Variants in CINP observed in about 807,000 individuals in gnomAD.
CINP encodes cyclin-dependent kinase 2-interacting protein.
CINP carries 11 observed loss-of-function variants against 20.5 expected under a neutral mutation model. The observed-to-expected ratio is 0.54, with a 90% CI of 0.34 to 0.89. CINP has a LOEUF of 0.89. CINP is among the 40% of genes least tolerant of loss of function. The pLI, the probability that CINP is intolerant of heterozygous loss-of-function variation, is 0.02. For missense variants in CINP, 213 were observed against 251.0 expected (o/e 0.85, Z 1.02); for synonymous variants, 108 against 102.1 (o/e 1.06, Z -0.35).
At chr14:102,360,954 A>C (rs1300270707) in intron 1 of CINP, among the ~76,000 whole-genome samples, 1 of 152,188 alleles carries the variant, frequency 6.6e-6, no homozygotes, top group African/African-American at 2.4e-5. Flanking sequence ...TGCCTACAAT[A>C]CGCCAGGCAT....
intron 2 of CINP, among the ~76,000 whole-genome samples, chr14:102,358,672 C>T (rs1887051995): frequency 6.6e-6 from 1 of 151,828 alleles, no homozygotes; most frequent in South Asian, 2.1e-4. Flanking sequence ...TAGAGTGAGA[C>T]TCGTCTCCAA....
At chr14:102,357,139 G>A (rs1887015338) in intron 2 of CINP, among the ~76,000 whole-genome samples, 1 of 152,164 alleles carries the variant, frequency 6.6e-6, no homozygotes, top group Non-Finnish European at 1.5e-5. Flanking sequence ...CTAGCACTTT[G>A]GGAGGCCAAG....
At chr14:102,357,981 G>C (rs554694110) in intron 2 of CINP, among the ~76,000 whole-genome samples, 1 of 152,346 alleles carries the variant, frequency 6.6e-6, no homozygotes, top group South Asian at 2.1e-4. Flanking sequence ...ATTGCAGTTA[G>C]TGACTTTAAG....
chr14:102,359,255 G>GATATATATATATATATTA (rs1437716044), intron 2 of CINP, among the ~76,000 whole-genome samples, 164 bp downstream of exon 2: 1 of 75,422 alleles, frequency 1.3e-5, no homozygotes, highest in Non-Finnish European at 3.2e-5. Flanking sequence ...TATATATATG[G>GATATATATATATATATTA]AATATAATTT....
intron 2 of CINP, among the ~76,000 whole-genome samples, chr14:102,357,288 A>C (rs1887019801): frequency 1.3e-5 from 2 of 148,634 alleles, no homozygotes; most frequent in Admixed American, 1.4e-4. Flanking sequence ...AGGCAAAGGC[A>C]GGAGAATTGC....
intron 2 of CINP, among the ~76,000 whole-genome samples, chr14:102,359,122 A>AC (rs1384242374): frequency 6.6e-6 from 1 of 151,004 alleles, no homozygotes; most frequent in African/African-American, 2.4e-5. Context: ...AATTGCTTGA[A>AC]CCCAGGCGGT....
chr14:102,350,121 T>A, intron 3 of CINP, 73 bp from the exon 4 acceptor site: 1 of 1,399,438 alleles, frequency 7.1e-7, no homozygotes, highest in Non-Finnish European at 9.9e-7. Context: ...ACTCTAAGAT[T>A]TCAAAGCTAA....
rs1283337114 is a variant in CINP, at chr14:102,351,954, C to T, written c.307-1906G>A. Reference sequence around the variant, plus strand: ...GGCTGGAGTGCAGTGGCGCGATCTCCGCTCACTGCAACCTCCGCCTCCCGG... The same window carrying T: ...GGCTGGAGTGCAGTGGCGCGATCTCTGCTCACTGCAACCTCCGCCTCCCGG... On this transcript the variant is annotated intron_variant, in intron 3 of 4. Coordinates refer to ENST00000216756, the MANE Select transcript of CINP (RefSeq NM_032630.3). This position sits in a 1 kb window ranked among gnomAD's most constrained non-coding sequence, Gnocchi z 4.2. Among the ~76,000 whole-genome samples, 3 of 151,950 alleles carry T rather than the reference C, an allele frequency of 2.0e-5. No individual in the cohort carries two copies. The highest frequency in any genetic ancestry group is 2.1e-4 in the South Asian group (1 of 4,828).
At chr14:102,359,246 A>ATATATATG (rs1451609870) in intron 2 of CINP, among the ~76,000 whole-genome samples, 173 bp downstream of exon 2, 1 of 144,028 alleles carries the variant, frequency 6.9e-6, no homozygotes, top group Non-Finnish European at 1.5e-5. Context: ...ATATATATAT[A>ATATATATG]TATATATGGA....
intron 3 of CINP, among the ~76,000 whole-genome samples, chr14:102,354,457 C>G (rs530686366): frequency 2.6e-4 from 39 of 152,182 alleles, no homozygotes; most frequent in African/African-American, 9.2e-4. Flanking sequence ...TTTCGGTGTC[C>G]AAAGATAAAG....
intron 1 of CINP, among the ~76,000 whole-genome samples, chr14:102,360,222 A>G (rs1887108916): frequency 6.6e-6 from 1 of 151,950 alleles, no homozygotes; most frequent in Non-Finnish European, 1.5e-5. Context: ...AGCTCTTGAA[A>G]AGCTGAGGTG....
Position 102,348,754 on chromosome 14 carries a change from C to T in CINP, c.442G>A (p.Val148Ile). ...HTWPTTHFYE[V>I]SHKLLEMYRK... The stretch of plus-strand genomic sequence containing the variant: ...TACATCTCCAAGAGCTTATGCGAAA[C>T]CTCATCTGAAAGAAACGTGAATCTC... The change falls in exon 5 of 5, where the codon GTT becomes ATT. Residue 148 changes from valine (V) to isoleucine (I), a missense_variant. By Grantham distance (29) the Val-to-Ile change is conservative. Coordinates refer to ENST00000216756, the MANE Select transcript of CINP (RefSeq NM_032630.3). 6.2e-7 allele frequency: 1 copy of T among 1,613,182 alleles called. No individual in the cohort carries two copies. The highest frequency in any genetic ancestry group is 1.7e-5 in the Admixed American group (1 of 59,888).
chr14:102,352,706 T>C (rs1886896657), intron 3 of CINP, among the ~76,000 whole-genome samples: 1 of 151,988 alleles, frequency 6.6e-6, no homozygotes, highest in Non-Finnish European at 1.5e-5. Flanking sequence ...TGGCCCAGAC[T>C]GGAGTGCAGT....
At chr14:102,357,229 G>C (rs1047143846) in intron 2 of CINP, among the ~76,000 whole-genome samples, 1 of 151,760 alleles carries the variant, frequency 6.6e-6, no homozygotes. Flanking sequence ...AAATACAAAA[G>C]AAATTAGCTG....
intron 1 of CINP, 82 bp from the exon 2 acceptor site, chr14:102,359,669 A>G: frequency 2.0e-6 from 2 of 997,438 alleles, no homozygotes; most frequent in Non-Finnish European, 2.9e-6. Flanking sequence ...ATAATTTTCA[A>G]CAGTAAAACT....
At chr14:102,359,227 A>AAT (rs10632205) in intron 2 of CINP, among the ~76,000 whole-genome samples, 192 bp downstream of exon 2, 4,871 of 115,304 alleles carry the variant, frequency 0.042, 197 homozygotes, top group Admixed American at 0.078. Flanking sequence ...TAAATAACTA[A>AAT]ATATATATAT....
intron 1 of CINP, among the ~76,000 whole-genome samples, chr14:102,361,922 C>A (rs1311893747): frequency 6.6e-6 from 1 of 152,166 alleles, no homozygotes; most frequent in Non-Finnish European, 1.5e-5. Flanking sequence ...GTGGTACACC[C>A]TATAATTCTG....
chr14:102,355,565 C>T, intron 3 of CINP: 1 of 515,240 alleles, frequency 1.9e-6, no homozygotes. Context: ...AAGTGGGTGA[C>T]ATTTCCCCGG....
At chr14:102,359,227 A>AATATATATATATAGATAT (rs1887073343) in intron 2 of CINP, among the ~76,000 whole-genome samples, 192 bp downstream of exon 2, 1 of 115,434 alleles carries the variant, frequency 8.7e-6, no homozygotes, top group Non-Finnish European at 1.9e-5. Flanking sequence ...TAAATAACTA[A>AATATATATATATAGATAT]ATATATATAT....
Sources: gnomAD v4.1 joint callset for allele counts (sites outside exome capture counted in the v4.1 genomes callset) on GRCh38, gnomAD v4.1.1 for gene constraint, Gnocchi (gnomAD v3.1) non-coding constraint, MANE v1.5 for transcripts, NCBI Gene and HGNC (gene_info 2026-07-23, HGNC 2026-07-21) for gene names.